Variants in PKN2 observed in about 807,000 individuals in gnomAD.
The protein encoded by PKN2 is protein kinase N2, also known as serine/threonine-protein kinase N2.
PKN2 carries 38 observed loss-of-function variants against 119.1 expected under a neutral mutation model. The observed-to-expected ratio is 0.32, with a 90% confidence interval of 0.25 to 0.42. The LOEUF (loss-of-function observed/expected upper bound fraction) is 0.42, where lower values mean the gene tolerates loss of function less well. Ranked by LOEUF, PKN2 falls within the 10% of genes least tolerant of loss-of-function variation. The probability of loss-of-function intolerance (pLI) is 1.00; values close to 1 mark genes in which losing one functional copy is unlikely to be tolerated. For missense variants in PKN2, 850 were observed against 1,165.1 expected, an observed-to-expected ratio of 0.73 and a Z score of 3.94; for synonymous variants, 390 against 384.9, an observed-to-expected ratio of 1.01 and a Z score of -0.15.
chr1:88,802,030 G>A (rs1234167472), intron 8 of PKN2, among the ~76,000 whole-genome samples: 2 of 152,268 alleles, frequency 1.3e-5, no homozygotes, highest in Middle Eastern at 6.8e-3. Flanking sequence ...AATAAGGAAG[G>A]GGCATAAGCT....
chr1:88,820,067 A>G (rs1254052468), intron 16 of PKN2, among the ~76,000 whole-genome samples: 2 of 151,240 alleles, frequency 1.3e-5, no homozygotes, highest in Admixed American at 6.6e-5. Flanking sequence ...GGTGCAGCAA[A>G]TCACCATGAC....
At chr1:88,746,064 C>T (rs1254992898) in intron 2 of PKN2, among the ~76,000 whole-genome samples, 3 of 152,128 alleles carry the variant, frequency 2.0e-5, no homozygotes, top group Admixed American at 6.5e-5. Flanking sequence ...TACCCTTATA[C>T]GTAATACCTT....
At chr1:88,692,316 G>C (rs992732398) in intron 1 of PKN2, among the ~76,000 whole-genome samples, 1 of 152,024 alleles carries the variant, frequency 6.6e-6, no homozygotes, top group Non-Finnish European at 1.5e-5. Context: ...GTAATTATAA[G>C]CAAAGATCCT....
intron 1 of PKN2, among the ~76,000 whole-genome samples, chr1:88,733,917 G>C (rs183253777): frequency 5.3e-5 from 8 of 151,776 alleles, no homozygotes; most frequent in Non-Finnish European, 1.5e-5. Flanking sequence ...CCAACAATTT[G>C]GGGGGGTCAA....
rs147201320 is a variant in PKN2, at chr1:88,822,150, C to T, written c.2342+147C>T. 1.0e-5 allele frequency: 7 copies of T among 692,214 alleles called. 1 individual carries two copies. The highest frequency in any genetic ancestry group is 5.0e-5 in the South Asian group (2 of 40,086). The allele number at this position is 692,214 out of a possible 1,614,324, so 42.9% of individuals were successfully genotyped here. ...TAAGTCAAACCCCAATGTTGAAAGA[C>T]GTGGTTAGCACTATGATTATATGAT... On this transcript the variant is annotated intron_variant, in intron 17 of 21. Coordinates refer to ENST00000370521, the MANE Select transcript of PKN2 (RefSeq NM_006256.4).
chr1:88,723,371 C>G (rs1488698110), intron 1 of PKN2, among the ~76,000 whole-genome samples: 2 of 151,018 alleles, frequency 1.3e-5, no homozygotes, highest in Non-Finnish European at 2.9e-5. Context: ...CCTCGGCCTC[C>G]TAAAGTGCTG....
intron 4 of PKN2, 71 bp from the exon 5 acceptor site, chr1:88,771,350 T>C: frequency 4.4e-6 from 5 of 1,131,340 alleles, no homozygotes; most frequent in South Asian, 1.6e-5. Flanking sequence ...TCATTTCTTT[T>C]CATGATTTTA....
chr1:88,763,306 T>C (rs1475990197), intron 3 of PKN2, among the ~76,000 whole-genome samples: 5 of 152,182 alleles, frequency 3.3e-5, no homozygotes, highest in Non-Finnish European at 5.9e-5. Flanking sequence ...ATTTCAAGTT[T>C]AGAAAGTTCA....
At chr1:88,821,638 G>C (rs1570684147) in intron 16 of PKN2, among the ~76,000 whole-genome samples, 1 of 152,092 alleles carries the variant, frequency 6.6e-6, no homozygotes, top group East Asian at 1.9e-4. Flanking sequence ...ACTTCTGCCT[G>C]TCACACTGTC....
At chr1:88,820,759 G>A (rs182594555) in intron 16 of PKN2, among the ~76,000 whole-genome samples, 11 of 152,116 alleles carry the variant, frequency 7.2e-5, no homozygotes, top group African/African-American at 7.2e-5. Context: ...AGCATATTAC[G>A]TTTTATAGAG....
chr1:88,812,055 A>AAC (rs1671801628), intron 15 of PKN2, among the ~76,000 whole-genome samples: 1 of 152,234 alleles, frequency 6.6e-6, no homozygotes, highest in Non-Finnish European at 1.5e-5. Context: ...AAAGTTTTAA[A>AAC]TAAAGTTGGA....
At chr1:88,808,532 C>T (rs940397573) in intron 15 of PKN2, among the ~76,000 whole-genome samples, 36 of 152,166 alleles carry the variant, frequency 2.4e-4, no homozygotes, top group African/African-American at 8.4e-4. Context: ...TCTCGATCTC[C>T]TGACCTCATG....
intron 17 of PKN2, 55 bp downstream of exon 17, chr1:88,822,058 A>C: frequency 5.9e-6 from 8 of 1,361,084 alleles, no homozygotes. Context: ...TTTAGAATTA[A>C]AGATAGTATT....
intron 2 of PKN2, among the ~76,000 whole-genome samples, chr1:88,742,828 C>T (rs922981077): frequency 2.0e-5 from 3 of 151,906 alleles, no homozygotes; most frequent in Admixed American, 1.3e-4. Flanking sequence ...CCTTGTGATT[C>T]GCTGGGATAT....
At chr1:88,793,436 G>A (rs1299444641) in intron 8 of PKN2, among the ~76,000 whole-genome samples, 3 of 151,970 alleles carry the variant, frequency 2.0e-5, no homozygotes, top group Non-Finnish European at 2.9e-5. Flanking sequence ...CGTATAAGTC[G>A]ACCTGTACAT....
chr1:88,801,623 G>C (rs1017302281), intron 8 of PKN2, among the ~76,000 whole-genome samples: 1 of 152,108 alleles, frequency 6.6e-6, no homozygotes, highest in Admixed American at 6.6e-5. Context: ...AGAAAGTAAC[G>C]CTCACTGGGA....
chr1:88,828,992 A>C, intron 19 of PKN2: 1 of 639,156 alleles, frequency 1.6e-6, no homozygotes, highest in Non-Finnish European at 3.0e-6. Flanking sequence ...AATAAATGTT[A>C]CCTTCGACTT....
intron 1 of PKN2, among the ~76,000 whole-genome samples, chr1:88,711,633 T>C (rs1377341216): frequency 6.6e-6 from 1 of 152,200 alleles, no homozygotes; most frequent in Non-Finnish European, 1.5e-5. Context: ...TTTGGATATA[T>C]AATGCATTTT....
intron 17 of PKN2, among the ~76,000 whole-genome samples, chr1:88,823,055 C>CA (rs919829922): frequency 3.0e-4 from 46 of 152,024 alleles, no homozygotes; most frequent in African/African-American, 1.1e-3. Context: ...TCTGTCTCTA[C>CA]AAAAAAATAA....
Sources: allele counts gnomAD v4.1 joint callset (sites outside exome capture counted in the v4.1 genomes callset), GRCh38; gene constraint gnomAD v4.1.1; transcripts MANE v1.5; gene names NCBI Gene and HGNC (gene_info 2026-07-23, HGNC 2026-07-21).